The following FAM13B variants were observed in gnomAD, a reference collection of about 807,000 sequenced individuals.
FAM13B encodes the protein protein FAM13B.
Under a neutral mutation model 117.3 loss-of-function variants are expected in FAM13B, and 60 were observed. That is an observed-to-expected ratio of 0.51 (90% CI 0.42 to 0.63). The LOEUF is 0.63. FAM13B is among the 30% of genes least tolerant of loss of function. FAM13B has a pLI of 0.00. For synonymous variants in FAM13B, 332 were observed against 356.1 expected (o/e 0.93, Z 0.76); for missense variants, 972 against 1,091.9 (o/e 0.89, Z 1.55).
chr5:137,994,415 C>G lies in FAM13B; in HGVS notation c.849-6100G>C, dbSNP rs543911692. ...ATTTTAATTATTCTTTATTTTCATACTTTAGTCAAATCCTGTGGGTAAAAA... is the reference window on the plus strand; with the variant it reads ...ATTTTAATTATTCTTTATTTTCATAGTTTAGTCAAATCCTGTGGGTAAAAA... On this transcript the variant is annotated intron_variant, in intron 7 of 23. Transcript: ENST00000689681. Among the ~76,000 whole-genome samples the G allele has an allele frequency of 2.0e-4, 31 of 152,312 alleles. No homozygotes were observed. The South Asian group carries it at 6.4e-3, about 32-fold the overall frequency.
upstream of FAM13B, chr5:138,036,166 A>AT (rs1359604451): frequency 1.4e-5 from 5 of 351,596 alleles, no homozygotes; most frequent in African/African-American, 1.1e-4. Context: ...GTAGTTCTGT[A>AT]TGTTATTTAT....
intron 7 of FAM13B, among the ~76,000 whole-genome samples, chr5:138,002,190 C>A (rs1329310915): frequency 1.3e-5 from 2 of 152,004 alleles, no homozygotes; most frequent in Non-Finnish European, 2.9e-5. Context: ...TTTTAAGAAA[C>A]AAGAATAAAA....
At chr5:138,021,251 G>C in intron 1 of FAM13B, 54 bp from the exon 2 acceptor site, 1 of 1,183,886 alleles carries the variant, frequency 8.4e-7, no homozygotes, top group South Asian at 4.3e-5. Flanking sequence ...TGTCAGAAGA[G>C]ACTATTAATA....
chr5:138,047,504 CAA>C (rs61692745), intron 1 of FAM13B, among the ~76,000 whole-genome samples: 60 of 137,716 alleles, frequency 4.4e-4, no homozygotes, highest in Non-Finnish European at 4.4e-4. Flanking sequence ...GACTCCATCT[CAA>C]AAAAAAAAAA....
intron 10 of FAM13B, among the ~76,000 whole-genome samples, chr5:137,983,460 T>C (rs1581169966): frequency 6.6e-6 from 1 of 152,082 alleles, no homozygotes; most frequent in Admixed American, 6.6e-5. Context: ...ATTCTATTTA[T>C]AAAGGGAAGC....
At chr5:138,034,235 C>CT (rs1212170285), upstream of FAM13B, among the ~76,000 whole-genome samples, 1 of 152,238 alleles carries the variant, frequency 6.6e-6, no homozygotes, top group African/African-American at 2.4e-5. Flanking sequence ...AGAACCAACA[C>CT]TTACTCTCAG....
Position 138,007,106 on chromosome 5 carries a change from C to T in FAM13B, c.732G>A (p.Leu244=), listed in dbSNP as rs1258924032. Residue 244 remains leucine (L), a synonymous_variant, in exon 7 of 24, where the codon CTG becomes CTA. Transcript: ENST00000689681. The part of the protein sequence containing the change: ...LSEEEEEDEK[L]EHIEELPEEG... Reference sequence around the variant, plus strand: ...CTTCTGGAAGTTCTTCAATATGTTCCAGCTTTTCATCTTCCTCTTCTTCCT... The same window carrying T: ...CTTCTGGAAGTTCTTCAATATGTTCTAGCTTTTCATCTTCCTCTTCTTCCT... 18 of 1,612,550 alleles carry T rather than the reference C, an allele frequency of 1.1e-5. 1 individual carries two copies. The highest frequency in any genetic ancestry group is 1.0e-5 in the Non-Finnish European group (12 of 1,179,672).
chr5:138,008,347 T>C (rs1043067580), intron 6 of FAM13B, among the ~76,000 whole-genome samples: 1 of 152,028 alleles, frequency 6.6e-6, no homozygotes, highest in African/African-American at 2.4e-5. Context: ...GAGACTGAGG[T>C]AGGAGAATCA....
intron 10 of FAM13B, among the ~76,000 whole-genome samples, chr5:137,975,980 C>CATTTTTTTTTTTT (rs557328911): frequency 1.1e-4 from 12 of 110,204 alleles, no homozygotes; most frequent in African/African-American, 4.4e-4. Flanking sequence ...TCAACTCTTC[C>CATTTTTTTTTTTT]TTTTTTTTTT....
intron 1 of FAM13B, among the ~76,000 whole-genome samples, chr5:138,030,723 A>C (rs868316279): frequency 0.036 from 3,515 of 96,674 alleles, 106 homozygotes; most frequent in Admixed American, 0.091. Flanking sequence ...CCCCCCCCCC[A>C]AAAAAAAAAA....
intron 7 of FAM13B, among the ~76,000 whole-genome samples, chr5:137,999,983 T>A (rs1780810511): frequency 6.6e-6 from 1 of 152,090 alleles, no homozygotes; most frequent in Non-Finnish European, 1.5e-5. Flanking sequence ...AATGTAAGAA[T>A]CCTTCACGAT....
At chr5:137,986,449 A>C (rs7709289) in intron 9 of FAM13B, among the ~76,000 whole-genome samples, 1 of 147,270 alleles carries the variant, frequency 6.8e-6, no homozygotes. Flanking sequence ...AAAAATTGAT[A>C]TATGAAAAAC....
intron 3 of FAM13B, among the ~76,000 whole-genome samples, 173 bp downstream of exon 3, chr5:138,018,782 C>A (rs914043342): frequency 6.6e-6 from 1 of 151,728 alleles, no homozygotes; most frequent in Non-Finnish European, 1.5e-5. Flanking sequence ...ACTGTCATTT[C>A]TAAGTATATG....
At chr5:137,941,218 T>A (rs773220131) in intron 23 of FAM13B, among the ~76,000 whole-genome samples, 3 of 151,864 alleles carry the variant, frequency 2.0e-5, no homozygotes, top group Non-Finnish European at 4.4e-5. Flanking sequence ...CACTTCAGAT[T>A]TTTTTTTAAC....
chr5:138,018,834 T>C lies in FAM13B; in HGVS notation c.157+121A>G, dbSNP rs757325410. ...ACACTAAAACATTAAAAAGAATTTCTAGTTTTTCCTATGTTTTGGACTTTC... is the reference window on the plus strand; with the variant it reads ...ACACTAAAACATTAAAAAGAATTTCCAGTTTTTCCTATGTTTTGGACTTTC... On this transcript the variant is annotated intron_variant, in intron 3 of 23. Transcript: ENST00000689681. 307 of 759,992 alleles carry C rather than the reference T, an allele frequency of 4.0e-4. 1 individual carries two copies. The highest frequency in any genetic ancestry group is 6.0e-4 in the Non-Finnish European group (290 of 485,050). The allele number at this position is 759,992 out of a possible 1,614,324, so 47.1% of individuals were successfully genotyped here.
At chr5:137,986,394 A>C (rs1299959041) in intron 9 of FAM13B, among the ~76,000 whole-genome samples, 2 of 149,166 alleles carry the variant, frequency 1.3e-5, no homozygotes, top group Non-Finnish European at 1.5e-5. Context: ...CTTCCTATGA[A>C]TCTTCTAGAT....
chr5:138,006,904 T>C, intron 7 of FAM13B, 86 bp downstream of exon 7: 1 of 1,276,066 alleles, frequency 7.8e-7, no homozygotes, highest in Non-Finnish European at 1.1e-6. Context: ...CACATATAGT[T>C]ACAGTTTGTG....
At chr5:137,992,713 TTA>T (rs2150668940) in intron 7 of FAM13B, among the ~76,000 whole-genome samples, 3 of 152,306 alleles carry the variant, frequency 2.0e-5, no homozygotes, top group African/African-American at 7.2e-5. Context: ...TGAAATACTG[TTA>T]TATGCTCACA....
chr5:138,029,006 A>G (rs1789193049), intron 1 of FAM13B, among the ~76,000 whole-genome samples: 1 of 152,044 alleles, frequency 6.6e-6, no homozygotes, highest in African/African-American at 2.4e-5. Context: ...GGGGACAAGA[A>G]CGAGACTTCG....
Sources: gnomAD v4.1 joint callset for allele counts (sites outside exome capture counted in the v4.1 genomes callset) on GRCh38, gnomAD v4.1.1 for gene constraint, MANE v1.5 for transcripts, NCBI Gene and HGNC (gene_info 2026-07-23, HGNC 2026-07-21) for gene names.